MAN2B1: variants seen among roughly 807,000 people sequenced by gnomAD.
MAN2B1 encodes mannosidase alpha class 2B member 1.
Under a neutral mutation model 127.5 loss-of-function variants are expected in MAN2B1, and 99 were observed. The observed-to-expected ratio is 0.78, with a 90% CI of 0.66 to 0.92. The LOEUF (loss-of-function observed/expected upper bound fraction) is 0.92, where lower values mean the gene tolerates loss of function less well. Ranked by LOEUF, MAN2B1 falls within the 40% of genes least tolerant of loss-of-function variation. The pLI is 0.00. For synonymous variants in MAN2B1, 573 were observed against 568.8 expected (o/e 1.01, Z -0.11); for missense variants, 1,304 against 1,384.8 (o/e 0.94, Z 0.93).
At chr19:12,661,556 C>G (rs1317310866) in intron 6 of MAN2B1, among the ~76,000 whole-genome samples, 180 bp from the exon 7 acceptor site, 2 of 152,166 alleles carry the variant, frequency 1.3e-5, no homozygotes, top group Non-Finnish European at 2.9e-5. Context: ...TTCTCTTGGA[C>G]CCACTACCTA....
intron 14 of MAN2B1, among the ~76,000 whole-genome samples, chr19:12,654,747 T>A (rs1230815483): frequency 6.6e-6 from 1 of 152,158 alleles, no homozygotes; most frequent in Non-Finnish European, 1.5e-5. Flanking sequence ...TGATCTCGGC[T>A]CACTGCAACC....
chr19:12,656,336 G>A (rs2023955780), intron 13 of MAN2B1: 2 of 524,124 alleles, frequency 3.8e-6, no homozygotes, highest in African/African-American at 4.0e-5. Context: ...CAGCCTGGGT[G>A]ACAGAGCGAG....
chr19:12,662,584 C>T (rs1327073957), intron 6 of MAN2B1, among the ~76,000 whole-genome samples: 4 of 151,752 alleles, frequency 2.6e-5, no homozygotes, highest in Non-Finnish European at 4.4e-5. Flanking sequence ...GAGCCGAGAT[C>T]GTGCCACTGC....
rs886054233 is a variant in MAN2B1 at position 12,663,827 on chromosome 19, G to A, written c.639C>T (p.Phe213=). 4 of 1,614,148 alleles carry A rather than the reference G, an allele frequency of 2.5e-6. No individual in the cohort carries two copies. Among genetic ancestry groups the A allele is most frequent in the East Asian group, 2.2e-5 (1 of 44,880 alleles). Residue 213 remains phenylalanine (F), a synonymous_variant, in exon 5 of 24, where the codon TTC becomes TTT. Transcript: ENST00000456935. ...CAAGGCGCCCAAAGAAGAAGCCGTC[G>A]AAGCCCATCTGGGGATGAGGGAGGA... The part of the protein sequence containing the change: ...EQASLFAQMG[F]DGFFFGRLDY...
intron 6 of MAN2B1, 82 bp from the exon 7 acceptor site, chr19:12,661,458 A>AC (rs1282085466): frequency 4.3e-5 from 40 of 930,684 alleles, no homozygotes; most frequent in Non-Finnish European, 6.6e-5. Flanking sequence ...ATATGGGGTC[A>AC]AGGATGTTGG....
At position 12,658,437 on chromosome 19, in the gene MAN2B1, T is replaced by C. The variant is rs771528526; in HGVS notation, c.1100A>G (p.Asn367Ser). The change falls in exon 8 of 24, where the codon AAC becomes AGC. Residue 367 changes from asparagine (N) to serine (S), a missense_variant. By Grantham distance (46) the Asn-to-Ser change is conservative (BLOSUM62 1). Coordinates refer to ENST00000456935, the MANE Select transcript of MAN2B1 (RefSeq NM_000528.4). ...CAGTTTCCCCAAATACCAGGTGAGG[T>C]TGGCCTTGTTCAGCTCCCAGAGGTA... ...ACYLWELNKA[N>S]LTWSVKHDDF... is the part of the protein sequence containing the mutation. The C allele has an allele frequency of 1.1e-5, 18 of 1,614,122 alleles. No homozygotes were observed. In the South Asian group the frequency reaches 1.5e-4, roughly 14 times the overall value.
rs2023969759 is a variant in MAN2B1, at chr19:12,656,705, A to AG, written c.1528-19dup. 1 of 1,553,152 alleles carries AG rather than the reference A, an allele frequency of 6.4e-7. No individual in the cohort carries two copies. Among genetic ancestry groups the AG allele is most frequent in the Non-Finnish European group, 8.9e-7 (1 of 1,124,472 alleles). On this transcript the variant is annotated intron_variant, in intron 12 of 23. Coordinates refer to ENST00000456935, the MANE Select transcript of MAN2B1 (RefSeq NM_000528.4). ...ACCTGGAACTGGGGAGGCGGGGGTC[A>AG]GAGAGGGCATGGGTCACAGCAGGCC...
At chr19:12,656,246 G>A (rs570719485) in intron 13 of MAN2B1, 70 of 446,230 alleles carry the variant, frequency 1.6e-4, no homozygotes, top group South Asian at 1.4e-3. Flanking sequence ...TTAAAATGGA[G>A]GACCAGCCAG....
chr19:12,654,595 T>C (rs1037918284), intron 14 of MAN2B1, among the ~76,000 whole-genome samples: 2 of 152,250 alleles, frequency 1.3e-5, no homozygotes, highest in African/African-American at 4.8e-5. Flanking sequence ...TGGGAACGTT[T>C]TAACTTCTTT....
rs550301551 is a variant in MAN2B1 at position 12,648,150 on chromosome 19, C to T, written c.2664+25G>A. 1,343 of 1,528,420 alleles carry T rather than the reference C, an allele frequency of 8.8e-4. 1 individual carries two copies. Among genetic ancestry groups the T allele is most frequent in the Non-Finnish European group, 1.1e-3 (1,287 of 1,141,186 alleles). 94.7% of individuals were successfully genotyped at this position (1,528,420 alleles called of 1,614,324 possible). On this transcript the variant is annotated intron_variant, in intron 21 of 23. Coordinates refer to ENST00000456935, the MANE Select transcript of MAN2B1 (RefSeq NM_000528.4). ...CCCTGGTAGACTTCAATCCGGTCCTCTCTGCCTACCCCGCTGCCCCTCACC... is the reference window on the plus strand; with the variant it reads ...CCCTGGTAGACTTCAATCCGGTCCTTTCTGCCTACCCCGCTGCCCCTCACC...
chr19:12,651,545 A>G (rs145207982), intron 16 of MAN2B1, among the ~76,000 whole-genome samples: 130 of 152,300 alleles, frequency 8.5e-4, no homozygotes, highest in African/African-American at 3.0e-3. Context: ...AATTTGGGTA[A>G]CTCTGTTAGA....
rs1284684617 is a variant in MAN2B1 at position 12,666,742 on chromosome 19, G to A, written c.-41C>T. The A allele has an allele frequency of 2.6e-6, 4 of 1,537,188 alleles. No individual in the cohort carries two copies. The highest frequency in any genetic ancestry group is 8.7e-7 in the Non-Finnish European group (1 of 1,143,250). On this transcript the variant is annotated 5_prime_UTR_variant, in exon 1 of 24. Transcript: ENST00000456935. ...TCCTGGGGTTCCCCGGCCCTGGAAA[G>A]GCCGGGCAAACGCCCCGCCCCCAGA...
intron 16 of MAN2B1, among the ~76,000 whole-genome samples, chr19:12,651,224 C>T (rs2023836031): frequency 6.6e-6 from 1 of 152,182 alleles, no homozygotes; most frequent in East Asian, 1.9e-4. Flanking sequence ...GGGATAAAGA[C>T]TATATTGTCC....
At chr19:12,650,322 C>A in intron 16 of MAN2B1, 100 bp from the exon 17 acceptor site, 8 of 762,214 alleles carry the variant, frequency 1.0e-5, no homozygotes, top group Non-Finnish European at 1.9e-5. Context: ...TTAAGGCCTA[C>A]ATCAAGGTCA....
intron 9 of MAN2B1, 34 bp from the exon 10 acceptor site, chr19:12,658,175 C>T (rs113766546): frequency 6.2e-7 from 1 of 1,613,674 alleles, no homozygotes; most frequent in South Asian, 1.1e-5. Flanking sequence ...GGCGCCCAGC[C>T]TGTCGGGCCT....
chr19:12,659,081 TCTC>T, intron 7 of MAN2B1: 1 of 171,504 alleles, frequency 5.8e-6, no homozygotes, highest in Non-Finnish European at 1.3e-5. Context: ...ATGGTCTCGA[TCTC>T]CTGACCTCAT....
chr19:12,648,086 C>T, intron 21 of MAN2B1, 89 bp downstream of exon 21: 1 of 1,313,516 alleles, frequency 7.6e-7, no homozygotes, highest in Non-Finnish European at 1.1e-6. Context: ...CCAAATGGAT[C>T]CCCGCTGAGC....
intron 14 of MAN2B1, among the ~76,000 whole-genome samples, chr19:12,653,081 G>A (rs910749927): frequency 6.1e-5 from 9 of 147,858 alleles, no homozygotes; most frequent in African/African-American, 1.3e-4. Flanking sequence ...TAATCCACCC[G>A]CCTTGGCCTC....
At position 12,647,646 on chromosome 19, in the gene MAN2B1, TGGA is replaced by T. The variant is rs1428217606; in HGVS notation, c.2665-51_2665-49del. On this transcript the variant is annotated intron_variant, in intron 21 of 23. Transcript: ENST00000456935. The surrounding 1 kb of genome is among the most constrained non-coding windows in gnomAD (Gnocchi z 4.9). Reference sequence around the variant, plus strand: ...GAGTTGGAGAGGGGCGGGGCCTGGATGGAGAAGGGCGGGGCCGAGCCAGGTCAG... The same window carrying T: ...GAGTTGGAGAGGGGCGGGGCCTGGATGAAGGGCGGGGCCGAGCCAGGTCAG... 3 of 1,515,304 alleles carry T rather than the reference TGGA, an allele frequency of 2.0e-6. No homozygotes were observed. The highest frequency in any genetic ancestry group is 1.8e-6 in the Non-Finnish European group (2 of 1,122,370). The allele number at this position is 1,515,304 out of a possible 1,614,324, so 93.9% of individuals were successfully genotyped here. A position where few individuals can be genotyped will look rare whatever the true frequency, so the allele number is the denominator to read the frequency against.
Sources: gnomAD v4.1 joint callset for allele counts (sites outside exome capture counted in the v4.1 genomes callset) on GRCh38, gnomAD v4.1.1 for gene constraint, Gnocchi (gnomAD v3.1) non-coding constraint, MANE v1.5 for transcripts, NCBI Gene and HGNC (gene_info 2026-07-23, HGNC 2026-07-21) for gene names.